Variants in ARB2A observed in about 807,000 individuals in gnomAD.
ARB2A encodes the protein cotranscriptional regulator ARB2A.
At chr5:93,941,413 G>C in the ARB2A span, among the ~76,000 whole-genome samples, 1 of 151,928 alleles carries the variant, frequency 6.6e-6, no homozygotes, top group Admixed American at 6.6e-5. Context: ...ATTTGAAAAA[G>C]ACATCAGAGT....
chr5:93,884,148 T>C, the ARB2A span, among the ~76,000 whole-genome samples: 4 of 151,640 alleles, frequency 2.6e-5, no homozygotes, highest in Non-Finnish European at 5.9e-5. Context: ...ATCATCTTTG[T>C]ATAATGAATA....
chr5:94,033,565 C>T, the ARB2A span, among the ~76,000 whole-genome samples: 1 of 152,146 alleles, frequency 6.6e-6, no homozygotes, highest in African/African-American at 2.4e-5. Context: ...GCTGGGATTA[C>T]AGACACCTGC....
chr5:94,064,924 C>T, the ARB2A span, among the ~76,000 whole-genome samples: 1 of 151,970 alleles, frequency 6.6e-6, no homozygotes, highest in African/African-American at 2.4e-5. Flanking sequence ...AGGAAACACA[C>T]AAATTCGAAG....
At chr5:93,685,852 G>T in the ARB2A span, among the ~76,000 whole-genome samples, 2 of 152,106 alleles carry the variant, frequency 1.3e-5, no homozygotes, top group East Asian at 1.9e-4. Flanking sequence ...CCCTTCTGGG[G>T]TTCTAGAAAC....
the ARB2A span, among the ~76,000 whole-genome samples, chr5:93,633,978 G>C: frequency 6.6e-6 from 1 of 152,062 alleles, no homozygotes; most frequent in Non-Finnish European, 1.5e-5. Flanking sequence ...GCCCAGGCTG[G>C]TCTTGAACTC....
the ARB2A span, among the ~76,000 whole-genome samples, chr5:93,803,593 G>A: frequency 1.3e-5 from 2 of 151,202 alleles, no homozygotes; most frequent in Admixed American, 1.3e-4. Context: ...AGAGGATCAG[G>A]AAAAATAACA....
At chr5:94,106,153 GC>G in the ARB2A span, among the ~76,000 whole-genome samples, 1 of 151,906 alleles carries the variant, frequency 6.6e-6, no homozygotes, top group Non-Finnish European at 1.5e-5. Flanking sequence ...AAACTAAAGA[GC>G]CTCTACACAG....
At chr5:93,627,652 G>A in the ARB2A span, among the ~76,000 whole-genome samples, 1 of 151,980 alleles carries the variant, frequency 6.6e-6, no homozygotes, top group Non-Finnish European at 1.5e-5. Context: ...ATGTTGGTCA[G>A]GCTGGTCTTG....
chr5:93,833,459 T>C, the ARB2A span, among the ~76,000 whole-genome samples: 3 of 152,100 alleles, frequency 2.0e-5, no homozygotes, highest in Non-Finnish European at 4.4e-5. Context: ...ATAATGAAAA[T>C]ATAAATAATA....
the ARB2A span, chr5:93,881,322 A>T: frequency 1.8e-6 from 1 of 559,402 alleles, no homozygotes; most frequent in Non-Finnish European, 3.0e-6. Flanking sequence ...GAATTTAAAA[A>T]CCCATTTAAT....
chr5:93,959,405 A>C, the ARB2A span, among the ~76,000 whole-genome samples: 1 of 152,082 alleles, frequency 6.6e-6, no homozygotes, highest in Admixed American at 6.6e-5. Context: ...AGGGAGTTTA[A>C]ATAAGTTGCC....
the ARB2A span, among the ~76,000 whole-genome samples, chr5:93,956,461 G>C: frequency 7.2e-5 from 11 of 151,918 alleles, no homozygotes; most frequent in Admixed American, 2.6e-4. Flanking sequence ...AAATCTGCAG[G>C]GAATATAAGG....
At chr5:93,810,429 G>A in the ARB2A span, among the ~76,000 whole-genome samples, 1 of 152,012 alleles carries the variant, frequency 6.6e-6, no homozygotes. Context: ...TGGAGACAGG[G>A]TCTGGCTCTG....
At chr5:93,995,579 A>G in the ARB2A span, among the ~76,000 whole-genome samples, 13,523 of 152,254 alleles carry the variant, frequency 0.089, 774 homozygotes, top group Middle Eastern at 0.16. Context: ...AAGGCTCCCA[A>G]TCAAGAGAAG....
the ARB2A span, among the ~76,000 whole-genome samples, chr5:93,888,628 T>C: frequency 7.2e-5 from 11 of 151,978 alleles, no homozygotes; most frequent in East Asian, 2.1e-3. Flanking sequence ...ACATGGGCTT[T>C]CAAAATATTA....
the ARB2A span, among the ~76,000 whole-genome samples, chr5:93,990,142 A>C: frequency 6.6e-6 from 1 of 152,130 alleles, no homozygotes; most frequent in Non-Finnish European, 1.5e-5. Flanking sequence ...CCTATAAATT[A>C]TTTATCTTAC....
At chr5:93,804,393 C>G in the ARB2A span, among the ~76,000 whole-genome samples, 3 of 152,012 alleles carry the variant, frequency 2.0e-5, no homozygotes, top group East Asian at 5.8e-4. Context: ...TATACTTAAG[C>G]AAGCATACAT....
the ARB2A span, among the ~76,000 whole-genome samples, chr5:93,660,018 GATAGA>G: frequency 1.3e-5 from 2 of 151,514 alleles, no homozygotes; most frequent in Non-Finnish European, 2.9e-5. Context: ...CTAATTGGGA[GATAGA>G]ATAGAGTTTT....
At chr5:93,815,263 G>C in the ARB2A span, among the ~76,000 whole-genome samples, 1 of 152,138 alleles carries the variant, frequency 6.6e-6, no homozygotes, top group South Asian at 2.1e-4. Flanking sequence ...GAGAACAATT[G>C]ATATACATGT....
Sources: allele counts gnomAD v4.1 joint callset (sites outside exome capture counted in the v4.1 genomes callset), GRCh38; gene constraint gnomAD v4.1.1; transcripts MANE v1.5; gene names NCBI Gene and HGNC (gene_info 2026-07-23, HGNC 2026-07-21).